PLD5: variants seen among roughly 807,000 people sequenced by gnomAD.
PLD5 encodes the protein inactive phospholipase D5.
Under a neutral mutation model 61.1 loss-of-function variants are expected in PLD5, and 36 were observed. The ratio of observed to expected loss-of-function variants is 0.59; its 90% CI spans 0.45 to 0.78. PLD5 has a LOEUF of 0.78. Among genes scored for constraint, PLD5 ranks in the 30% least tolerant of loss-of-function variants. The pLI is 0.00. For synonymous variants in PLD5, 243 were observed against 242.8 expected, an observed-to-expected ratio of 1.00 and a Z score of -0.01; for missense variants, 515 against 644.4, an observed-to-expected ratio of 0.80 and a Z score of 2.17.
chr1:242,141,996 A>C (rs1337328180), intron 5 of PLD5, among the ~76,000 whole-genome samples: 1 of 152,158 alleles, frequency 6.6e-6, no homozygotes, highest in East Asian at 1.9e-4. Context: ...TCATCCACTC[A>C]TATATTCATT....
chr1:242,441,764 G>A (rs1472078287), intron 1 of PLD5, among the ~76,000 whole-genome samples: 3 of 152,056 alleles, frequency 2.0e-5, no homozygotes, highest in African/African-American at 7.3e-5. Context: ...TTCTGCGAGA[G>A]CCCAAGAGGT....
At chr1:242,490,244 G>C (rs925180439) in intron 1 of PLD5, among the ~76,000 whole-genome samples, 1 of 152,214 alleles carries the variant, frequency 6.6e-6, no homozygotes, top group Admixed American at 6.5e-5. Flanking sequence ...TCTGTTACCA[G>C]AAGTTCGTTT....
At chr1:242,485,853 G>T (rs970437624) in intron 1 of PLD5, among the ~76,000 whole-genome samples, 5 of 152,134 alleles carry the variant, frequency 3.3e-5, no homozygotes, top group African/African-American at 4.8e-5. Flanking sequence ...CATGGTCCTG[G>T]TACCAAAACA....
intron 6 of PLD5, among the ~76,000 whole-genome samples, chr1:242,116,033 C>T (rs145840030): frequency 8.6e-5 from 13 of 151,252 alleles, no homozygotes; most frequent in South Asian, 2.1e-4. Context: ...CTTTGACAAG[C>T]GATACGCTGT....
chr1:242,448,840 GA>G lies in PLD5; in HGVS notation c.189+75247del, dbSNP rs930420113. ...GTTACTGCCTATGATAGTTTCAAAAGAAAAAAAAAATCACGTGGAAGTTTGC... is the reference window on the plus strand; with the variant it reads ...GTTACTGCCTATGATAGTTTCAAAAGAAAAAAAAATCACGTGGAAGTTTGC... On this transcript the variant is annotated intron_variant, in intron 1 of 9. Coordinates refer to ENST00000536534, the MANE Select transcript of PLD5 (RefSeq NM_001372062.1). 1.6e-3 allele frequency among the ~76,000 whole-genome samples: 233 copies of G among 149,282 alleles called. 1 individual carries two copies. Among genetic ancestry groups the G allele is most frequent in the African/African-American group, 4.3e-3 (175 of 40,712 alleles).
At chr1:242,266,697 A>C (rs1446778950) in intron 3 of PLD5, among the ~76,000 whole-genome samples, 4 of 152,280 alleles carry the variant, frequency 2.6e-5, no homozygotes, top group African/African-American at 7.2e-5. Context: ...CACAGTGGCA[A>C]GGTCTTATCT....
chr1:242,513,420 A>C (rs1260570267), intron 1 of PLD5, among the ~76,000 whole-genome samples: 1 of 123,686 alleles, frequency 8.1e-6, no homozygotes, highest in Non-Finnish European at 1.7e-5. Flanking sequence ...CTTTCCATTG[A>C]GGGCAGAGAT....
chr1:242,419,222 C>T (rs58046581), intron 1 of PLD5, among the ~76,000 whole-genome samples: 1 of 152,118 alleles, frequency 6.6e-6, no homozygotes, highest in Non-Finnish European at 1.5e-5. Context: ...GTTCTTACAG[C>T]CTGCGTGACG....
chr1:242,487,919 A>G (rs1668016733), intron 1 of PLD5, among the ~76,000 whole-genome samples: 1 of 152,172 alleles, frequency 6.6e-6, no homozygotes, highest in African/African-American at 2.4e-5. Flanking sequence ...ACATGTATGT[A>G]TATCATTTTT....
intron 1 of PLD5, among the ~76,000 whole-genome samples, chr1:242,395,242 T>C (rs528413705): frequency 1.8e-4 from 27 of 152,090 alleles, no homozygotes; most frequent in African/African-American, 6.3e-4. Flanking sequence ...AGGCAGCAAG[T>C]AGCTTTCATG....
intron 1 of PLD5, among the ~76,000 whole-genome samples, chr1:242,359,487 A>G (rs1202332322): frequency 6.6e-6 from 1 of 152,220 alleles, no homozygotes; most frequent in Non-Finnish European, 1.5e-5. Context: ...TGGAGTTTCA[A>G]TAACATATTT....
Position 242,348,090 on chromosome 1 carries a change from G to C in PLD5, c.326+16C>G, listed in dbSNP as rs1414516321. The stretch of plus-strand genomic sequence containing the variant: ...GCCCGCCCCCTAAAAGAGAATTTTT[G>C]TTTGTTACCTCTTACCGACATTTAT... On this transcript the variant is annotated intron_variant, in intron 2 of 9. Transcript: ENST00000536534. 1 of 1,610,676 alleles carries C rather than the reference G, an allele frequency of 6.2e-7. No homozygotes were observed. The highest frequency in any genetic ancestry group is 8.5e-7 in the Non-Finnish European group (1 of 1,178,766).
chr1:242,126,018 A>G (rs1260318446), intron 5 of PLD5, among the ~76,000 whole-genome samples: 2 of 152,226 alleles, frequency 1.3e-5, no homozygotes, highest in Non-Finnish European at 2.9e-5. Context: ...ATAGATTCCT[A>G]GAGTGAGATG....
intron 1 of PLD5, among the ~76,000 whole-genome samples, chr1:242,399,060 C>T (rs903108911): frequency 1.3e-5 from 2 of 152,184 alleles, no homozygotes; most frequent in East Asian, 1.9e-4. Context: ...CACCCTAAGG[C>T]TCCTTCCAGT....
At chr1:242,218,678 G>T (rs1166039335) in intron 5 of PLD5, among the ~76,000 whole-genome samples, 1 of 152,156 alleles carries the variant, frequency 6.6e-6, no homozygotes, top group African/African-American at 2.4e-5. Flanking sequence ...GAAAGATAAA[G>T]AAAATAATTT....
chr1:242,512,088 T>C (rs977450977), intron 1 of PLD5, among the ~76,000 whole-genome samples: 1 of 152,042 alleles, frequency 6.6e-6, no homozygotes, highest in African/African-American at 2.4e-5. Context: ...AGATTCTTAA[T>C]AATCAAGGCT....
chr1:242,419,952 C>T lies in PLD5; in HGVS notation c.190-71710G>A, dbSNP rs1665046743. Among the ~76,000 whole-genome samples, 3 of 152,082 alleles carry T rather than the reference C, an allele frequency of 2.0e-5. No homozygotes were observed. The South Asian group carries it at 6.2e-4, about 31-fold the overall frequency. The stretch of plus-strand genomic sequence containing the variant: ...ATGTTCTGATGATAAAAGTCAGTCC[C>T]AGTAAAAACAGGTATTTGATTAGGG... On this transcript the variant is annotated intron_variant, in intron 1 of 9. Transcript: ENST00000536534.
intron 1 of PLD5, among the ~76,000 whole-genome samples, chr1:242,471,193 C>G (rs1381973546): frequency 6.6e-6 from 1 of 152,226 alleles, no homozygotes; most frequent in African/African-American, 2.4e-5. Context: ...ACCCTTTACA[C>G]CTCTCGGTTC....
At chr1:242,301,449 A>G (rs1038389774) in intron 2 of PLD5, among the ~76,000 whole-genome samples, 2 of 152,102 alleles carry the variant, frequency 1.3e-5, no homozygotes, top group African/African-American at 2.4e-5. Flanking sequence ...AAGAAAACAC[A>G]GGGAAATATC....
Sources: gnomAD v4.1 joint callset for allele counts (sites outside exome capture counted in the v4.1 genomes callset) on GRCh38, gnomAD v4.1.1 for gene constraint, MANE v1.5 for transcripts, NCBI Gene and HGNC (gene_info 2026-07-23, HGNC 2026-07-21) for gene names.